Variants in SLC24A3 observed in about 807,000 individuals in gnomAD.
SLC24A3 encodes solute carrier family 24 member 3.
SLC24A3 carries 28 observed loss-of-function variants against 75.8 expected under a neutral mutation model. The ratio of observed to expected loss-of-function variants is 0.37; its 90% confidence interval spans 0.27 to 0.51. The LOEUF is 0.51. Among genes scored for constraint, SLC24A3 ranks in the 20% least tolerant of loss-of-function variants. The pLI, the probability that SLC24A3 is intolerant of heterozygous loss-of-function variation, is 0.94. For synonymous variants in SLC24A3, 372 were observed against 334.1 expected (o/e 1.11, Z -1.24); for missense variants, 663 against 847.8 (o/e 0.78, Z 2.71).
chr20:19,265,511 C>A (rs137941948), intron 1 of SLC24A3, among the ~76,000 whole-genome samples: 2 of 152,260 alleles, frequency 1.3e-5, no homozygotes, highest in Admixed American at 1.3e-4. Context: ...ACAGACTTTA[C>A]ATGGGATGGG....
chr20:19,212,899 G>A lies in SLC24A3; in HGVS notation c.57G>A (p.Arg19=), dbSNP rs748428539. 7.5e-7 allele frequency: 1 copy of A among 1,329,748 alleles called. No homozygotes were observed. The highest frequency in any genetic ancestry group is 9.7e-7 in the Non-Finnish European group (1 of 1,035,526). 82.4% of individuals were successfully genotyped at this position (1,329,748 alleles called of 1,614,324 possible). The part of the protein sequence containing the change: ...RARRRRRRRR[R]RDLLLSQLCF... ...GTCGCCGCCGCCGCCGCCGCCGCCG[G>A]AGGGACCTTCTGCTGAGCCAGCTCT... Residue 19 remains arginine (R), a synonymous_variant, in exon 1 of 17, where the codon CGG becomes CGA. Transcript: ENST00000328041.
chr20:19,313,545 A>G (rs1021235672), intron 2 of SLC24A3, among the ~76,000 whole-genome samples: 2 of 152,234 alleles, frequency 1.3e-5, no homozygotes, highest in Non-Finnish European at 2.9e-5. Context: ...GCTGGAACCC[A>G]GCCTGTTCTG....
chr20:19,410,159 G>A (rs1003711306), intron 2 of SLC24A3, among the ~76,000 whole-genome samples: 2 of 152,124 alleles, frequency 1.3e-5, no homozygotes, highest in African/African-American at 4.8e-5. Context: ...ATGTAACAAA[G>A]CAAGTTCCTC....
intron 15 of SLC24A3, among the ~76,000 whole-genome samples, chr20:19,703,284 C>T (rs1036498462): frequency 1.1e-4 from 16 of 152,194 alleles, no homozygotes; most frequent in African/African-American, 3.6e-4. Flanking sequence ...CACATAATCT[C>T]TTTCCACATC....
At position 19,325,076 on chromosome 20, in the gene SLC24A3, GC is replaced by G. The variant is rs1984807529; in HGVS notation, c.271+43990del. On this transcript the variant is annotated intron_variant, in intron 2 of 16. Transcript: ENST00000328041. Reference sequence around the variant, plus strand: ...TCTTACTCATGTTTGTCATTCTCTTGCACTCCTAAAATACCTTAGGTAGCTT... The same window carrying G: ...TCTTACTCATGTTTGTCATTCTCTTGACTCCTAAAATACCTTAGGTAGCTT... Among the ~76,000 whole-genome samples the G allele has an allele frequency of 4.8e-5, 7 of 146,974 alleles. No individual in the cohort carries two copies. The Admixed American group carries it at 4.8e-4, about 10-fold the overall frequency.
At chr20:19,269,893 T>G (rs954608914) in intron 1 of SLC24A3, among the ~76,000 whole-genome samples, 8 of 152,220 alleles carry the variant, frequency 5.3e-5, no homozygotes, top group African/African-American at 1.7e-4. Context: ...TACAGAGTTA[T>G]TGCATGAAGA....
chr20:19,702,718 T>G (rs2032888886), intron 15 of SLC24A3, among the ~76,000 whole-genome samples: 1 of 152,158 alleles, frequency 6.6e-6, no homozygotes, highest in Admixed American at 6.5e-5. Flanking sequence ...CAATAAACAG[T>G]TTATGAACTC....
At chr20:19,551,991 C>T (rs999902888) in intron 3 of SLC24A3, among the ~76,000 whole-genome samples, 4 of 152,174 alleles carry the variant, frequency 2.6e-5, no homozygotes, top group African/African-American at 7.2e-5. Context: ...CTACTCACGT[C>T]GCCACTGCTT....
At chr20:19,369,044 T>A (rs1424397900) in intron 2 of SLC24A3, among the ~76,000 whole-genome samples, 1 of 152,232 alleles carries the variant, frequency 6.6e-6, no homozygotes, top group African/African-American at 2.4e-5. Context: ...ATCATCATCA[T>A]CATAATTGTT....
At chr20:19,626,304 C>T (rs1250438513) in intron 6 of SLC24A3, among the ~76,000 whole-genome samples, 3 of 152,114 alleles carry the variant, frequency 2.0e-5, no homozygotes, top group Non-Finnish European at 4.4e-5. Flanking sequence ...AGGGAAGTAC[C>T]TTTTCTATGT....
At chr20:19,664,103 C>T (rs956124380) in intron 7 of SLC24A3, among the ~76,000 whole-genome samples, 2 of 152,176 alleles carry the variant, frequency 1.3e-5, no homozygotes, top group Non-Finnish European at 2.9e-5. Context: ...CTTCTGTTCT[C>T]TTAAGTGGCT....
chr20:19,662,806 C>T (rs866730449), intron 7 of SLC24A3, among the ~76,000 whole-genome samples: 78 of 152,292 alleles, frequency 5.1e-4, no homozygotes, highest in African/African-American at 1.6e-3. Context: ...AATTCATTTC[C>T]TAACCTTCAG....
chr20:19,319,590 C>T (rs1023274729), intron 2 of SLC24A3, among the ~76,000 whole-genome samples: 3 of 152,194 alleles, frequency 2.0e-5, no homozygotes, highest in African/African-American at 7.2e-5. Context: ...CCTGGAAGCA[C>T]CAGAGTCTAG....
chr20:19,665,115 T>C (rs1452939970), intron 7 of SLC24A3, among the ~76,000 whole-genome samples: 1 of 152,222 alleles, frequency 6.6e-6, no homozygotes, highest in East Asian at 1.9e-4. Context: ...TGTATTCTCT[T>C]TCAAGTCCTA....
intron 2 of SLC24A3, among the ~76,000 whole-genome samples, chr20:19,467,821 C>T (rs1055024837): frequency 6.6e-6 from 1 of 150,628 alleles, no homozygotes; most frequent in African/African-American, 2.4e-5. Flanking sequence ...GTGGAGGTTG[C>T]AGTGAGCTGA....
chr20:19,474,385 A>T (rs906054097), intron 2 of SLC24A3, among the ~76,000 whole-genome samples: 1 of 152,240 alleles, frequency 6.6e-6, no homozygotes, highest in African/African-American at 2.4e-5. Context: ...GATAGCGAGC[A>T]CCTGAAAAGA....
chr20:19,262,879 CG>C (rs1269099242), intron 1 of SLC24A3, among the ~76,000 whole-genome samples: 1 of 151,854 alleles, frequency 6.6e-6, no homozygotes, highest in Non-Finnish European at 1.5e-5. Flanking sequence ...GACAAAGCTG[CG>C]TGTGTCCTTA....
chr20:19,421,844 G>A (rs1380321138), intron 2 of SLC24A3, among the ~76,000 whole-genome samples: 1 of 152,160 alleles, frequency 6.6e-6, no homozygotes, highest in African/African-American at 2.4e-5. Context: ...TCTGCAAAAT[G>A]CACGAACTTC....
chr20:19,487,463 A>G lies in SLC24A3; in HGVS notation c.272-28025A>G, dbSNP rs1183439966. 2.0e-5 allele frequency among the ~76,000 whole-genome samples: 3 copies of G among 152,170 alleles called. No homozygotes were observed. The East Asian group carries it at 5.8e-4, about 29-fold the overall frequency. On this transcript the variant is annotated intron_variant, in intron 2 of 16. Coordinates refer to ENST00000328041, the MANE Select transcript of SLC24A3 (RefSeq NM_020689.4). ...TCAGTGCTTCTGAATAATAATAATA[A>G]CAACAATAGCACTATACAGATTTCC...
Sources: allele counts gnomAD v4.1 joint callset (sites outside exome capture counted in the v4.1 genomes callset), GRCh38; gene constraint gnomAD v4.1.1; transcripts MANE v1.5; gene names NCBI Gene and HGNC (gene_info 2026-07-23, HGNC 2026-07-21).